The following FOXJ3 variants were observed in gnomAD, a reference collection of about 807,000 sequenced individuals.
FOXJ3 encodes the protein forkhead box J3.
Under a neutral mutation model 76.1 loss-of-function variants are expected in FOXJ3, and 22 were observed. The ratio of observed to expected loss-of-function variants is 0.29; its 90% CI spans 0.21 to 0.41. The LOEUF is 0.41. Among genes scored for constraint, FOXJ3 ranks in the 10% least tolerant of loss-of-function variants. FOXJ3 has a pLI of 1.00. For synonymous variants in FOXJ3, 269 were observed against 261.2 expected (o/e 1.03, Z -0.29); for missense variants, 613 against 762.1 (o/e 0.80, Z 2.30).
At chr1:42,215,754 G>C (rs184204997) in intron 5 of FOXJ3, among the ~76,000 whole-genome samples, 21 of 152,254 alleles carry the variant, frequency 1.4e-4, no homozygotes, top group Admixed American at 6.5e-4. Context: ...AATGACTGTG[G>C]ATTTCTCATC....
intron 1 of FOXJ3, among the ~76,000 whole-genome samples, chr1:42,333,879 A>G (rs946714859): frequency 1.3e-5 from 2 of 152,244 alleles, no homozygotes; most frequent in South Asian, 2.1e-4. Flanking sequence ...AGCTATGCAT[A>G]TAACGCTCCT....
intron 5 of FOXJ3, among the ~76,000 whole-genome samples, chr1:42,216,703 G>A (rs1288909283): frequency 6.6e-6 from 1 of 152,130 alleles, no homozygotes; most frequent in African/African-American, 2.4e-5. Context: ...TTTACATGAA[G>A]TGATACACTA....
rs144710032 is a variant in FOXJ3, at chr1:42,209,467, A to G, written c.529-3604T>C. 9.8e-5 allele frequency among the ~76,000 whole-genome samples: 15 copies of G among 152,318 alleles called. No individual in the cohort carries two copies. The East Asian group carries it at 2.7e-3, about 27-fold the overall frequency. On this transcript the variant is annotated intron_variant, in intron 5 of 12. Coordinates refer to ENST00000361346, the MANE Select transcript of FOXJ3 (RefSeq NM_014947.5). ...AGACCTTTTGAAATAAGTGGCGGGCAGCAGCCTACACCATGAAACAGGTAG... is the reference window on the plus strand; with the variant it reads ...AGACCTTTTGAAATAAGTGGCGGGCGGCAGCCTACACCATGAAACAGGTAG...
chr1:42,212,052 G>A (rs774297445), intron 5 of FOXJ3, among the ~76,000 whole-genome samples: 9 of 152,098 alleles, frequency 5.9e-5, no homozygotes, highest in Non-Finnish European at 1.0e-4. Context: ...TCAGGAGTTC[G>A]AGACCAGCCT....
intron 2 of FOXJ3, among the ~76,000 whole-genome samples, chr1:42,292,684 C>CT (rs1209940007): frequency 6.6e-6 from 1 of 152,198 alleles, no homozygotes; most frequent in East Asian, 1.9e-4. Context: ...CTTCTGGCAA[C>CT]TGCTGGGAAT....
intron 2 of FOXJ3, among the ~76,000 whole-genome samples, chr1:42,292,999 G>A (rs1473829330): frequency 6.6e-6 from 1 of 152,074 alleles, no homozygotes; most frequent in African/African-American, 2.4e-5. Flanking sequence ...TACTCAGGAG[G>A]CCGAGACAAG....
In FOXJ3 at chr1:42,277,604, C is replaced by T. The variant is rs1205095003; in HGVS notation, c.369+744G>A. ...CGAGGTCAGGAGATCGAGACCATCCCGGCTAAAACGGTGAAACCCCGTCTC... is the reference window on the plus strand; with the variant it reads ...CGAGGTCAGGAGATCGAGACCATCCTGGCTAAAACGGTGAAACCCCGTCTC... On this transcript the variant is annotated intron_variant, in intron 3 of 12. Coordinates refer to ENST00000361346, the MANE Select transcript of FOXJ3 (RefSeq NM_014947.5). Among the ~76,000 whole-genome samples the T allele has an allele frequency of 6.3e-5, 2 of 31,890 alleles. 1 individual carries two copies. The highest frequency in any genetic ancestry group is 1.4e-4 in the Non-Finnish European group (2 of 14,094). 20.9% of individuals were successfully genotyped at this position (31,890 alleles called of 152,430 possible).
chr1:42,266,920 C>T (rs1163641393), intron 3 of FOXJ3, among the ~76,000 whole-genome samples: 1 of 152,108 alleles, frequency 6.6e-6, no homozygotes, highest in Non-Finnish European at 1.5e-5. Context: ...GAAACCCTTA[C>T]CCAGTACATA....
chr1:42,204,030 T>C (rs974461493), intron 6 of FOXJ3, among the ~76,000 whole-genome samples: 3 of 151,116 alleles, frequency 2.0e-5, no homozygotes, highest in African/African-American at 7.3e-5. Context: ...TCACCCCTGA[T>C]ATTCCTCAGG....
intron 4 of FOXJ3, among the ~76,000 whole-genome samples, chr1:42,252,302 C>T (rs1192881798): frequency 1.3e-5 from 2 of 152,128 alleles, no homozygotes; most frequent in Non-Finnish European, 2.9e-5. Context: ...AATTTCAGAT[C>T]CTGTTATTGG....
chr1:42,317,663 C>T (rs995825237), intron 1 of FOXJ3, among the ~76,000 whole-genome samples: 4 of 151,502 alleles, frequency 2.6e-5, no homozygotes, highest in Middle Eastern at 3.2e-3. Flanking sequence ...GATAATAATA[C>T]GACAGTGGGT....
intron 5 of FOXJ3, among the ~76,000 whole-genome samples, chr1:42,215,825 A>G (rs58589078): frequency 0.021 from 3,136 of 152,272 alleles, 109 homozygotes; most frequent in African/African-American, 0.072. Flanking sequence ...AAACAGAATT[A>G]TCAATCCAGA....
At chr1:42,269,490 A>G (rs1049982342) in intron 3 of FOXJ3, among the ~76,000 whole-genome samples, 8 of 152,164 alleles carry the variant, frequency 5.3e-5, no homozygotes, top group Admixed American at 2.0e-4. Flanking sequence ...CTGCCTAGCC[A>G]ATCTCAGTTA....
intron 2 of FOXJ3, among the ~76,000 whole-genome samples, chr1:42,281,428 T>C (rs1652704626): frequency 6.6e-6 from 1 of 152,094 alleles, no homozygotes; most frequent in Admixed American, 6.5e-5. Context: ...GCTGAAGAAC[T>C]TCAGCTAAGT....
chr1:42,179,596 A>G lies in FOXJ3; in HGVS notation c.*114T>C. 1.6e-6 allele frequency: 1 copy of G among 642,846 alleles called. No individual in the cohort carries two copies. Among genetic ancestry groups the G allele is most frequent in the Non-Finnish European group, 2.8e-6 (1 of 360,240 alleles). 39.8% of individuals were successfully genotyped at this position (642,846 alleles called of 1,614,324 possible). ...CTGATTGTCTTCAAAAGTAATTTTG[A>G]TAACATTGGTAAAGTGATTAGCAAG... On this transcript the variant is annotated 3_prime_UTR_variant, in exon 13 of 13. Transcript: ENST00000361346.
At chr1:42,314,389 T>C (rs981666592) in intron 1 of FOXJ3, among the ~76,000 whole-genome samples, 1 of 152,220 alleles carries the variant, frequency 6.6e-6, no homozygotes, top group African/African-American at 2.4e-5. Context: ...TAGATAGGAT[T>C]ACAGGCATGC....
intron 4 of FOXJ3, among the ~76,000 whole-genome samples, chr1:42,244,269 G>C (rs1358271758): frequency 6.6e-6 from 1 of 152,068 alleles, no homozygotes; most frequent in Non-Finnish European, 1.5e-5. Flanking sequence ...TCAAGAACCT[G>C]AAAAACAAGA....
intron 2 of FOXJ3, among the ~76,000 whole-genome samples, chr1:42,301,806 A>G (rs1654165964): frequency 6.6e-6 from 1 of 152,128 alleles, no homozygotes; most frequent in South Asian, 2.1e-4. Flanking sequence ...CTTGTATTTC[A>G]AAGATTTTAA....
intron 1 of FOXJ3, chr1:42,315,385 T>G: frequency 1.1e-5 from 11 of 982,526 alleles, no homozygotes; most frequent in Non-Finnish European, 1.3e-5. Context: ...ACTGTCTTGC[T>G]TCTTCATCTG....
Sources: allele counts gnomAD v4.1 joint callset (sites outside exome capture counted in the v4.1 genomes callset), GRCh38; gene constraint gnomAD v4.1.1; transcripts MANE v1.5; gene names NCBI Gene and HGNC (gene_info 2026-07-23, HGNC 2026-07-21).